Variants in COA1 observed in about 807,000 individuals in gnomAD.
The protein encoded by COA1 is cytochrome c oxidase assembly factor 1 homolog.
A neutral mutation model predicts 16.0 loss-of-function variants in COA1; 13 were observed. The ratio of observed to expected loss-of-function variants is 0.81; its 90% CI spans 0.53 to 1.29. The LOEUF (loss-of-function observed/expected upper bound fraction) is 1.29. COA1 is among the 50% of genes most tolerant of loss of function. COA1 has a pLI of 0.00. For missense variants in COA1, 179 were observed against 177.0 expected, an observed-to-expected ratio of 1.01 and a Z score of -0.06; for synonymous variants, 65 against 65.7, an observed-to-expected ratio of 0.99 and a Z score of 0.05.
chr7:43,661,949 A>G (rs1348787439), intron 1 of COA1, among the ~76,000 whole-genome samples: 2 of 152,258 alleles, frequency 1.3e-5, no homozygotes, highest in Non-Finnish European at 2.9e-5. Context: ...AATGATCTGC[A>G]TAAGTTAGTA....
intron 1 of COA1, chr7:43,711,440 G>C (rs1168798489): frequency 6.6e-6 from 1 of 152,154 alleles, no homozygotes; most frequent in South Asian, 2.1e-4. Context: ...TCTCTGGCCA[G>C]AGCGAGACTC....
chr7:43,682,843 T>C (rs985098273), intron 1 of COA1, among the ~76,000 whole-genome samples: 2 of 152,122 alleles, frequency 1.3e-5, no homozygotes, highest in African/African-American at 2.4e-5. Context: ...GTTTGTTTTT[T>C]GGGGTTTTTT....
chr7:43,619,472 A>T, intron 6 of COA1: 1 of 1,232,054 alleles, frequency 8.1e-7, no homozygotes, highest in Non-Finnish European at 1.1e-6. Context: ...TTTCTTTAAC[A>T]AATGACTGTT....
At chr7:43,678,489 C>T (rs1584879126) in intron 1 of COA1, among the ~76,000 whole-genome samples, 1 of 152,234 alleles carries the variant, frequency 6.6e-6, no homozygotes, top group East Asian at 1.9e-4. Flanking sequence ...AACTGGACTA[C>T]ATCGAAACTG....
intron 1 of COA1, among the ~76,000 whole-genome samples, chr7:43,667,787 C>A (rs2092980086): frequency 6.6e-6 from 1 of 152,182 alleles, no homozygotes; most frequent in African/African-American, 2.4e-5. Context: ...GTTAAAGCCA[C>A]CTTTTTGACT....
chr7:43,707,281 G>C (rs1197072810), intron 1 of COA1, among the ~76,000 whole-genome samples: 1 of 152,132 alleles, frequency 6.6e-6, no homozygotes, highest in African/African-American at 2.4e-5. Context: ...TGGGCAAAAG[G>C]CATATGCAAA....
At chr7:43,687,313 A>G (rs150760539) in intron 1 of COA1, among the ~76,000 whole-genome samples, 180 of 152,366 alleles carry the variant, frequency 1.2e-3, no homozygotes, top group African/African-American at 4.2e-3. Context: ...CATTACTATC[A>G]GACAAGAAAA....
intron 1 of COA1, chr7:43,656,218 G>C (rs550959848): frequency 4.0e-4 from 61 of 152,246 alleles, no homozygotes; most frequent in African/African-American, 1.4e-3. Flanking sequence ...GACAAGGTTT[G>C]TTATGCAGCC....
At chr7:43,660,937 A>G (rs2092362669) in intron 1 of COA1, among the ~76,000 whole-genome samples, 1 of 152,180 alleles carries the variant, frequency 6.6e-6, no homozygotes, top group Non-Finnish European at 1.5e-5. Context: ...CTTACTGCCC[A>G]GTTTCCTCAC....
chr7:43,700,620 T>TGTGTTA (rs2094699898), intron 1 of COA1, among the ~76,000 whole-genome samples: 1 of 58,970 alleles, frequency 1.7e-5, no homozygotes, highest in Admixed American at 1.7e-4. Context: ...GTGTGTGTGT[T>TGTGTTA]AGAGTAAGGT....
At chr7:43,617,548 A>G (rs1279030029) in intron 6 of COA1, among the ~76,000 whole-genome samples, 1 of 152,228 alleles carries the variant, frequency 6.6e-6, no homozygotes, top group African/African-American at 2.4e-5. Flanking sequence ...AGGGATGATC[A>G]TAGCATTCAC....
At chr7:43,707,315 G>A (rs1010206748) in intron 1 of COA1, among the ~76,000 whole-genome samples, 45 of 152,212 alleles carry the variant, frequency 3.0e-4, no homozygotes, top group African/African-American at 1.1e-3. Flanking sequence ...GATGGAGGAG[G>A]AGGAAGATCT....
In COA1 at chr7:43,645,461, A is replaced by G. The variant is rs530414827; in HGVS notation, c.116-62T>C. On this transcript the variant is annotated intron_variant, in intron 3 of 5. Transcript: ENST00000223336. ...CTTGGTCAGGTAGAATCTACTACACAGAAAATTAAATAATCCAACTGACGT... is the reference window on the plus strand; with the variant it reads ...CTTGGTCAGGTAGAATCTACTACACGGAAAATTAAATAATCCAACTGACGT... The G allele has an allele frequency of 6.8e-6, 10 of 1,460,524 alleles. No homozygotes were observed. The African/African-American group carries it at 1.4e-4, about 20-fold the overall frequency. The allele number at this position is 1,460,524 out of a possible 1,614,324, so 90.5% of individuals were successfully genotyped here.
chr7:43,648,507 T>TA, intron 2 of COA1, 93 bp downstream of exon 2: 1 of 1,325,784 alleles, frequency 7.5e-7, no homozygotes, highest in Non-Finnish European at 1.1e-6. Flanking sequence ...GAGAAGCCCA[T>TA]AACTATTCAG....
chr7:43,709,458 G>A (rs1275333757), intron 1 of COA1, among the ~76,000 whole-genome samples: 3 of 151,876 alleles, frequency 2.0e-5, no homozygotes, highest in Non-Finnish European at 4.4e-5. Context: ...GTGTGTGTGT[G>A]TGTGTGTGTG....
chr7:43,657,013 A>G (rs1483198314), intron 1 of COA1, among the ~76,000 whole-genome samples: 2 of 152,204 alleles, frequency 1.3e-5, no homozygotes, highest in Admixed American at 1.3e-4. Context: ...TGGGCAACAC[A>G]GTGAGACCCT....
intron 1 of COA1, among the ~76,000 whole-genome samples, chr7:43,683,627 CTG>C (rs1377123536): frequency 6.7e-6 from 1 of 148,582 alleles, no homozygotes; most frequent in Non-Finnish European, 1.5e-5. Context: ...GAGCGAGACT[CTG>C]TCTCAAAAAA....
At chr7:43,629,093 C>A (rs112471930) in intron 6 of COA1, among the ~76,000 whole-genome samples, 1,542 of 152,262 alleles carry the variant, frequency 0.01, 15 homozygotes, top group Middle Eastern at 0.058. Context: ...TCAGTGGTTC[C>A]AGCACCACTT....
intron 1 of COA1, among the ~76,000 whole-genome samples, chr7:43,705,451 T>C (rs2094932456): frequency 6.6e-6 from 1 of 152,136 alleles, no homozygotes; most frequent in Admixed American, 6.5e-5. Flanking sequence ...CAAAAAGCTA[T>C]AGTGATGGCT....
Sources: allele counts gnomAD v4.1 joint callset (sites outside exome capture counted in the v4.1 genomes callset), GRCh38; gene constraint gnomAD v4.1.1; transcripts MANE v1.5; gene names NCBI Gene and HGNC (gene_info 2026-07-23, HGNC 2026-07-21).